GALNTL6: variants seen among roughly 807,000 people sequenced by gnomAD.
The protein encoded by GALNTL6 is polypeptide N-acetylgalactosaminyltransferase like 6.
In GALNTL6, 46 loss-of-function variants were observed where a neutral mutation model predicts 73.7. The observed-to-expected ratio is 0.62, with a 90% CI of 0.49 to 0.80. GALNTL6 has a LOEUF of 0.80. Ranked by LOEUF, GALNTL6 falls within the 30% of genes least tolerant of loss-of-function variation. The pLI is 0.00. For synonymous variants in GALNTL6, 259 were observed against 263.7 expected, an observed-to-expected ratio of 0.98 and a Z score of 0.17; for missense variants, 604 against 755.0, an observed-to-expected ratio of 0.80 and a Z score of 2.34.
intron 2 of GALNTL6, among the ~76,000 whole-genome samples, chr4:172,161,980 CAG>C (rs909406619): frequency 3.3e-5 from 5 of 151,980 alleles, no homozygotes; most frequent in East Asian, 1.9e-4. Context: ...AGTGGGAAAA[CAG>C]GGCACAGCAG....
intron 2 of GALNTL6, among the ~76,000 whole-genome samples, chr4:172,200,077 A>G (rs1417836417): frequency 6.6e-6 from 1 of 152,176 alleles, no homozygotes; most frequent in East Asian, 1.9e-4. Flanking sequence ...AAATGCAATC[A>G]CTAGCTATTT....
At chr4:172,055,389 T>A (rs967031287) in intron 2 of GALNTL6, among the ~76,000 whole-genome samples, 1 of 152,160 alleles carries the variant, frequency 6.6e-6, no homozygotes, top group Admixed American at 6.6e-5. Flanking sequence ...TCCAACAATT[T>A]TCTTGAAGTA....
chr4:172,789,727 AG>A (rs1739886496), intron 5 of GALNTL6, among the ~76,000 whole-genome samples: 1 of 152,176 alleles, frequency 6.6e-6, no homozygotes. Flanking sequence ...TCCTTCCCCC[AG>A]GATATAGGGC....
intron 7 of GALNTL6, among the ~76,000 whole-genome samples, chr4:172,815,864 C>T (rs1485653331): frequency 1.3e-5 from 2 of 152,168 alleles, no homozygotes; most frequent in East Asian, 3.8e-4. Context: ...GACACTTTAG[C>T]CTCTTGTAAT....
intron 5 of GALNTL6, among the ~76,000 whole-genome samples, chr4:172,376,256 A>G (rs1264319592): frequency 6.6e-6 from 1 of 152,206 alleles, no homozygotes; most frequent in Non-Finnish European, 1.5e-5. Context: ...CTAGCCTCAG[A>G]GAAGAGAGGT....
At position 172,687,585 on chromosome 4, in the gene GALNTL6, G is replaced by A. The variant is rs374878193; in HGVS notation, c.554-121776G>A. 1.2e-3 allele frequency among the ~76,000 whole-genome samples: 169 copies of A among 143,958 alleles called. 1 individual carries two copies. The highest frequency in any genetic ancestry group is 4.1e-3 in the African/African-American group (156 of 38,274). 94.4% of individuals were successfully genotyped at this position (143,958 alleles called of 152,430 possible). On this transcript the variant is annotated intron_variant, in intron 5 of 12. Coordinates refer to ENST00000506823, the MANE Select transcript of GALNTL6 (RefSeq NM_001034845.3). ...AGAGGTTGCAGTGAGCCAAGATCGCGCCACTGCACTCCAGCCTGAGCGACA... is the reference window on the plus strand; with the variant it reads ...AGAGGTTGCAGTGAGCCAAGATCGCACCACTGCACTCCAGCCTGAGCGACA...
rs149372682 is a variant in GALNTL6, at chr4:171,873,067, G to A, written c.138+58349G>A. On this transcript the variant is annotated intron_variant, in intron 2 of 12. Transcript: ENST00000506823. ...GAACAAGTTATATGTGCATATGTGT[G>A]CGCTCAAGGCCAGCATTTAATATTG... Among the ~76,000 whole-genome samples, 209 of 152,246 alleles carry A rather than the reference G, an allele frequency of 1.4e-3. 1 individual carries two copies. The highest frequency in any genetic ancestry group is 4.8e-3 in the African/African-American group (199 of 41,554).
chr4:172,865,967 T>A (rs79706816), intron 7 of GALNTL6, among the ~76,000 whole-genome samples: 1 of 152,308 alleles, frequency 6.6e-6, no homozygotes, highest in African/African-American at 2.4e-5. Flanking sequence ...GACACAAACC[T>A]TCTAAGTGAA....
intron 2 of GALNTL6, among the ~76,000 whole-genome samples, chr4:171,850,286 C>T (rs913375784): frequency 1.3e-5 from 2 of 152,124 alleles, no homozygotes; most frequent in African/African-American, 4.8e-5. Context: ...GGGCCCTATG[C>T]ATCAAAACGT....
intron 11 of GALNTL6, among the ~76,000 whole-genome samples, chr4:173,013,714 GTC>G (rs1175660862): frequency 5.3e-5 from 8 of 152,020 alleles, no homozygotes; most frequent in Admixed American, 1.3e-4. Context: ...AAGATTTCCT[GTC>G]TCTAGAGATC....
chr4:173,009,323 T>C, intron 11 of GALNTL6, 29 bp downstream of exon 11: 1 of 1,328,488 alleles, frequency 7.5e-7, no homozygotes, highest in Non-Finnish European at 1.1e-6. Flanking sequence ...GCCAGGGCAG[T>C]GGGAACCAGT....
intron 5 of GALNTL6, among the ~76,000 whole-genome samples, chr4:172,721,305 C>T (rs1735460460): frequency 6.6e-6 from 1 of 151,994 alleles, no homozygotes; most frequent in Non-Finnish European, 1.5e-5. Context: ...GAAGAAAAGG[C>T]AAGGGTAAAG....
intron 8 of GALNTL6, among the ~76,000 whole-genome samples, chr4:172,888,428 AT>A (rs1745844374): frequency 6.6e-6 from 1 of 152,156 alleles, no homozygotes; most frequent in Admixed American, 6.6e-5. Flanking sequence ...TCCCAGCACT[AT>A]TTATTGAATA....
intron 5 of GALNTL6, among the ~76,000 whole-genome samples, chr4:172,598,434 A>G (rs1737942493): frequency 6.6e-6 from 1 of 152,184 alleles, no homozygotes; most frequent in African/African-American, 2.4e-5. Context: ...GAAACATGTC[A>G]TGAAATGTAT....
At chr4:171,986,333 T>C (rs981559299) in intron 2 of GALNTL6, among the ~76,000 whole-genome samples, 3 of 151,974 alleles carry the variant, frequency 2.0e-5, no homozygotes, top group Non-Finnish European at 4.4e-5. Flanking sequence ...AGGGGAGCTT[T>C]TGAGCCAGGA....
At chr4:172,281,978 CTTTAA>C (rs1739076619) in intron 3 of GALNTL6, among the ~76,000 whole-genome samples, 2 of 151,644 alleles carry the variant, frequency 1.3e-5, no homozygotes, top group South Asian at 2.1e-4. Context: ...ACCTTTTTAA[CTTTAA>C]TTAAAATTGT....
intron 5 of GALNTL6, among the ~76,000 whole-genome samples, chr4:172,452,935 G>A (rs1471615499): frequency 6.6e-6 from 1 of 152,186 alleles, no homozygotes. Flanking sequence ...AGGTGCGGTG[G>A]CTCACACCTG....
intron 2 of GALNTL6, among the ~76,000 whole-genome samples, chr4:172,216,930 G>A (rs1042696428): frequency 4.6e-5 from 7 of 152,122 alleles, no homozygotes; most frequent in African/African-American, 1.7e-4. Flanking sequence ...AAGTGGGGGA[G>A]GGGGGCTTCC....
At chr4:172,194,829 C>A (rs1045195415) in intron 2 of GALNTL6, among the ~76,000 whole-genome samples, 6 of 152,092 alleles carry the variant, frequency 3.9e-5, no homozygotes, top group Non-Finnish European at 5.9e-5. Flanking sequence ...CTGTTACTAG[C>A]CACTACAAAA....
Sources: allele counts gnomAD v4.1 joint callset (sites outside exome capture counted in the v4.1 genomes callset), GRCh38; gene constraint gnomAD v4.1.1; transcripts MANE v1.5; gene names NCBI Gene and HGNC (gene_info 2026-07-23, HGNC 2026-07-21).